Variants in BRINP3 observed in about 807,000 individuals in gnomAD.
The protein encoded by BRINP3 is BMP/retinoic acid inducible neural specific 3.
Under a neutral mutation model 71.0 loss-of-function variants are expected in BRINP3, and 19 were observed. The ratio of observed to expected loss-of-function variants is 0.27; its 90% CI spans 0.19 to 0.39. The LOEUF is 0.39. Among genes scored for constraint, BRINP3 ranks in the 10% least tolerant of loss-of-function variants. The pLI is 1.00. For synonymous variants in BRINP3, 380 were observed against 337.7 expected (o/e 1.13, Z -1.37); for missense variants, 959 against 940.8 (o/e 1.02, Z -0.25).
intron 7 of BRINP3, among the ~76,000 whole-genome samples, chr1:190,160,025 T>C (rs1374666253): frequency 6.6e-6 from 1 of 152,022 alleles, no homozygotes; most frequent in Non-Finnish European, 1.5e-5. Context: ...TGTCCTATAT[T>C]TTCCCGTAGC....
chr1:190,232,134 A>G (rs1438072058), intron 5 of BRINP3, among the ~76,000 whole-genome samples: 1 of 152,006 alleles, frequency 6.6e-6, no homozygotes, highest in Non-Finnish European at 1.5e-5. Flanking sequence ...TCTATCATCT[A>G]TACCTATATC....
chr1:190,251,686 A>G (rs1010302810), intron 4 of BRINP3, among the ~76,000 whole-genome samples: 2 of 152,066 alleles, frequency 1.3e-5, no homozygotes, highest in African/African-American at 4.8e-5. Flanking sequence ...ATGACTGTGT[A>G]ACATCTACTG....
intron 2 of BRINP3, among the ~76,000 whole-genome samples, chr1:190,398,944 G>A (rs751201044): frequency 3.3e-5 from 5 of 151,782 alleles, no homozygotes; most frequent in Non-Finnish European, 5.9e-5. Flanking sequence ...TGAGATACCC[G>A]TCTTCCATTA....
intron 3 of BRINP3, among the ~76,000 whole-genome samples, chr1:190,267,859 TC>T (rs1196269107): frequency 1.3e-5 from 2 of 152,034 alleles, no homozygotes; most frequent in Non-Finnish European, 2.9e-5. Context: ...CCCAAATAGT[TC>T]ACAGTGGATT....
chr1:190,321,235 C>T lies in BRINP3; in HGVS notation c.237-39485G>A, dbSNP rs537898164. On this transcript the variant is annotated intron_variant, in intron 2 of 7. Coordinates refer to ENST00000367462, the MANE Select transcript of BRINP3 (RefSeq NM_199051.3). Reference sequence around the variant, plus strand: ...GCTAATCTCTACCATAAATCCAATACCCAATAGCATGCATCAGAAATGGAA... The same window carrying T: ...GCTAATCTCTACCATAAATCCAATATCCAATAGCATGCATCAGAAATGGAA... Among the ~76,000 whole-genome samples, 74 of 152,054 alleles carry T rather than the reference C, an allele frequency of 4.9e-4. No individual in the cohort carries two copies. In the Middle Eastern group the frequency reaches 0.01, roughly 21 times the overall value.
intron 3 of BRINP3, among the ~76,000 whole-genome samples, chr1:190,266,535 T>C (rs1245773779): frequency 6.6e-6 from 1 of 152,120 alleles, no homozygotes; most frequent in Non-Finnish European, 1.5e-5. Flanking sequence ...TATTAGGTAG[T>C]GTAAATGAAA....
intron 2 of BRINP3, among the ~76,000 whole-genome samples, chr1:190,292,968 T>G (rs1663980908): frequency 6.6e-6 from 1 of 152,024 alleles, no homozygotes; most frequent in South Asian, 2.1e-4. Context: ...TGTTCATCTT[T>G]TTAAAAATAT....
At chr1:190,184,761 A>T (rs1447983679) in intron 6 of BRINP3, among the ~76,000 whole-genome samples, 1 of 152,166 alleles carries the variant, frequency 6.6e-6, no homozygotes, top group Non-Finnish European at 1.5e-5. Context: ...GAGGGAGACA[A>T]GATTTGGAAA....
At chr1:190,282,074 C>T (rs949196048) in intron 2 of BRINP3, among the ~76,000 whole-genome samples, 1 of 151,554 alleles carries the variant, frequency 6.6e-6, no homozygotes, top group African/African-American at 2.4e-5. Flanking sequence ...AACAAAACAA[C>T]TTAAGGGCAA....
intron 2 of BRINP3, among the ~76,000 whole-genome samples, chr1:190,375,243 T>C (rs1448652818): frequency 1.3e-5 from 2 of 151,416 alleles, no homozygotes; most frequent in African/African-American, 4.8e-5. Context: ...CACATACAAA[T>C]CATACATGTT....
intron 4 of BRINP3, among the ~76,000 whole-genome samples, chr1:190,255,926 C>T (rs1284035205): frequency 6.6e-6 from 1 of 152,170 alleles, no homozygotes; most frequent in African/African-American, 2.4e-5. Context: ...TTTCCCTCTA[C>T]ACACTGCTTT....
intron 1 of BRINP3, among the ~76,000 whole-genome samples, chr1:190,459,516 C>A (rs1030214883): frequency 2.6e-5 from 4 of 151,798 alleles, no homozygotes; most frequent in African/African-American, 9.7e-5. Context: ...ACAAAATATT[C>A]GGAATCACTG....
At chr1:190,136,642 C>G (rs1048765650) in intron 7 of BRINP3, among the ~76,000 whole-genome samples, 9 of 152,056 alleles carry the variant, frequency 5.9e-5, no homozygotes, top group African/African-American at 1.9e-4. Context: ...CATACGCAAA[C>G]ATTTTTATTT....
intron 2 of BRINP3, among the ~76,000 whole-genome samples, chr1:190,329,570 T>C (rs562101975): frequency 1.6e-4 from 24 of 152,068 alleles, no homozygotes; most frequent in African/African-American, 4.3e-4. Flanking sequence ...TGCTCATAGA[T>C]TGGAATAACT....
intron 7 of BRINP3, among the ~76,000 whole-genome samples, chr1:190,154,761 G>A (rs1400976746): frequency 2.6e-5 from 4 of 152,118 alleles, no homozygotes; most frequent in African/African-American, 7.2e-5. Context: ...CACTATAATA[G>A]TTGATTTGAG....
intron 2 of BRINP3, among the ~76,000 whole-genome samples, chr1:190,443,692 C>A (rs1674994621): frequency 6.6e-6 from 1 of 152,126 alleles, no homozygotes; most frequent in African/African-American, 2.4e-5. Flanking sequence ...AAACCAATGT[C>A]TGTTATCCTT....
chr1:190,438,923 C>T (rs1674640794), intron 2 of BRINP3, among the ~76,000 whole-genome samples: 1 of 151,906 alleles, frequency 6.6e-6, no homozygotes, highest in South Asian at 2.1e-4. Context: ...CAATCTCAGA[C>T]CCCAGAAAGA....
chr1:190,267,238 C>T (rs1661736400), intron 3 of BRINP3, among the ~76,000 whole-genome samples: 1 of 151,824 alleles, frequency 6.6e-6, no homozygotes, highest in Non-Finnish European at 1.5e-5. Context: ...AAACGGTGAC[C>T]ATGTATTTTG....
At chr1:190,147,917 T>C (rs1018132452) in intron 7 of BRINP3, among the ~76,000 whole-genome samples, 6 of 152,182 alleles carry the variant, frequency 3.9e-5, no homozygotes, top group Admixed American at 1.3e-4. Flanking sequence ...GGATGTATGA[T>C]AGACAAATGC....
Sources: gnomAD v4.1 joint callset for allele counts (sites outside exome capture counted in the v4.1 genomes callset) on GRCh38, gnomAD v4.1.1 for gene constraint, MANE v1.5 for transcripts, NCBI Gene and HGNC (gene_info 2026-07-23, HGNC 2026-07-21) for gene names.